The following DDX10 variants were observed in gnomAD, a reference collection of about 807,000 sequenced individuals.
DDX10 encodes the protein DEAD-box helicase 10, also known as probable ATP-dependent RNA helicase DDX10.
DDX10 carries 74 observed loss-of-function variants against 104.3 expected under a neutral mutation model. The observed-to-expected ratio is 0.71, with a 90% CI of 0.59 to 0.86. The LOEUF (loss-of-function observed/expected upper bound fraction) is 0.86, where lower values mean the gene tolerates loss of function less well. Among genes scored for constraint, DDX10 ranks in the 40% least tolerant of loss-of-function variants. DDX10 has a pLI of 0.00. For synonymous variants in DDX10, 351 were observed against 353.4 expected, an observed-to-expected ratio of 0.99 and a Z score of 0.08; for missense variants, 952 against 1,040.0, an observed-to-expected ratio of 0.92 and a Z score of 1.16.
intron 15 of DDX10, among the ~76,000 whole-genome samples, chr11:108,847,562 A>G (rs1026894719): frequency 1.6e-4 from 25 of 152,242 alleles, no homozygotes; most frequent in African/African-American, 5.8e-4. Flanking sequence ...CAGCATGAAC[A>G]TTAGAAAGTT....
intron 11 of DDX10, 61 bp downstream of exon 11, chr11:108,716,027 T>C: frequency 1.1e-6 from 1 of 908,434 alleles, no homozygotes; most frequent in South Asian, 1.4e-5. Flanking sequence ...TTTATCATTT[T>C]CTGCTACTTC....
chr11:108,819,475 TC>T (rs527281020), intron 13 of DDX10, among the ~76,000 whole-genome samples: 42 of 152,356 alleles, frequency 2.8e-4, no homozygotes, highest in African/African-American at 9.6e-4. Context: ...AAAACAGTTT[TC>T]CGTTGATATA....
At chr11:108,787,487 T>TA (rs1861811192) in intron 13 of DDX10, among the ~76,000 whole-genome samples, 1 of 152,232 alleles carries the variant, frequency 6.6e-6, no homozygotes. Context: ...CAATGAGCTG[T>TA]AAACATGGTC....
chr11:108,825,039 A>G (rs1217126918), intron 13 of DDX10, among the ~76,000 whole-genome samples: 1 of 152,236 alleles, frequency 6.6e-6, no homozygotes, highest in Non-Finnish European at 1.5e-5. Context: ...AGTAAGGAAA[A>G]TGGCATGAAA....
chr11:108,917,509 C>G (rs1863766662), intron 16 of DDX10, among the ~76,000 whole-genome samples: 1 of 152,042 alleles, frequency 6.6e-6, no homozygotes, highest in South Asian at 2.1e-4. Context: ...TCAAGCAATT[C>G]CCTTGCCTCA....
At chr11:108,852,002 G>C in intron 15 of DDX10, 151 bp from the exon 16 acceptor site, 1 of 615,756 alleles carries the variant, frequency 1.6e-6, no homozygotes, top group Non-Finnish European at 2.9e-6. Flanking sequence ...ATGAATACTT[G>C]TGCCAATCCC....
At chr11:108,724,004 A>G (rs1054961909) in intron 13 of DDX10, among the ~76,000 whole-genome samples, 1 of 152,156 alleles carries the variant, frequency 6.6e-6, no homozygotes, top group African/African-American at 2.4e-5. Context: ...GCCATCTTCT[A>G]GGAGGAACAA....
At chr11:108,766,783 G>A (rs1387976579) in intron 13 of DDX10, among the ~76,000 whole-genome samples, 1 of 152,066 alleles carries the variant, frequency 6.6e-6, no homozygotes, top group Non-Finnish European at 1.5e-5. Flanking sequence ...TAGTTAACAC[G>A]CCTTGAGTAT....
intron 8 of DDX10, 82 bp from the exon 9 acceptor site, chr11:108,693,434 G>A (rs979950326): frequency 1.0e-6 from 1 of 990,146 alleles, no homozygotes; most frequent in African/African-American, 1.6e-5. Flanking sequence ...AAAAGTCCTG[G>A]CAAGCAATAT....
intron 16 of DDX10, among the ~76,000 whole-genome samples, chr11:108,894,801 A>T (rs890531130): frequency 6.6e-6 from 1 of 152,018 alleles, no homozygotes; most frequent in African/African-American, 2.4e-5. Flanking sequence ...AGTTATTATG[A>T]AATTTTGAGG....
In DDX10 at chr11:108,917,907, G is replaced by GTGA. The variant is rs373041499; in HGVS notation, c.2363_2365dup (p.Asp788dup). 1.0e-3 allele frequency: 1,665 copies of GTGA among 1,610,692 alleles called. 1 individual carries two copies. Among genetic ancestry groups the GTGA allele is most frequent in the African/African-American group, 1.7e-3 (127 of 74,766 alleles). On this transcript the variant is annotated inframe_insertion, in exon 17 of 18. Transcript: ENST00000322536. ...GAAGAGGAAGCCTTTCTGGATTGGA[G>GTGA]TGATGATGATGATGATGATGATGAT...
intron 13 of DDX10, among the ~76,000 whole-genome samples, chr11:108,769,130 G>A (rs2094359821): frequency 6.6e-6 from 1 of 151,184 alleles, no homozygotes; most frequent in Non-Finnish European, 1.5e-5. Flanking sequence ...TCACTGATTG[G>A]GATTCATATT....
At chr11:108,667,104 T>C (rs2094211118) in intron 1 of DDX10, among the ~76,000 whole-genome samples, 2 of 152,228 alleles carry the variant, frequency 1.3e-5, no homozygotes, top group African/African-American at 4.8e-5. Context: ...ATAGTAAATA[T>C]TGCTTTCAAC....
intron 13 of DDX10, among the ~76,000 whole-genome samples, chr11:108,835,940 T>C (rs1360635170): frequency 6.6e-6 from 1 of 152,050 alleles, no homozygotes; most frequent in African/African-American, 2.4e-5. Flanking sequence ...TTCAGAAAGT[T>C]TGTGTTAATT....
At chr11:108,721,261 A>G (rs1591800882) in intron 12 of DDX10, among the ~76,000 whole-genome samples, 1 of 152,144 alleles carries the variant, frequency 6.6e-6, no homozygotes, top group East Asian at 1.9e-4. Context: ...ATAGCAGTGT[A>G]GGGCTGCTGA....
Position 108,915,949 on chromosome 11 carries a change from T to TAAA in DDX10, c.2305-1906_2305-1904dup, listed in dbSNP as rs34651677. Among the ~76,000 whole-genome samples, 11 of 127,700 alleles carry TAAA rather than the reference T, an allele frequency of 8.6e-5. No homozygotes were observed. The South Asian group carries it at 2.2e-3, about 26-fold the overall frequency. The allele number at this position is 127,700 out of a possible 152,430, so 83.8% of individuals were successfully genotyped here. ...GACATTAAAGAGACTTGCAAAAATG[T>TAAA]AAAAAAAAAAAAAAAAAAAAGTTCT... On this transcript the variant is annotated intron_variant, in intron 16 of 17. Coordinates refer to ENST00000322536, the MANE Select transcript of DDX10 (RefSeq NM_004398.4).
intron 17 of DDX10, chr11:108,921,339 A>G (rs1452404735): frequency 1.3e-5 from 2 of 152,216 alleles, no homozygotes; most frequent in African/African-American, 2.4e-5. Context: ...TAGCATTTGC[A>G]TAGTAGCGCC....
chr11:108,716,476 A>G (rs2094291632), intron 11 of DDX10, among the ~76,000 whole-genome samples: 1 of 152,208 alleles, frequency 6.6e-6, no homozygotes, highest in Non-Finnish European at 1.5e-5. Flanking sequence ...GTTTTTTCAA[A>G]GACATATGGA....
intron 16 of DDX10, among the ~76,000 whole-genome samples, chr11:108,915,034 A>G (rs562377758): frequency 1.3e-5 from 2 of 152,292 alleles, no homozygotes; most frequent in South Asian, 4.1e-4. Flanking sequence ...AGACCTGTGA[A>G]GTAGTCCAGT....
Sources: allele counts gnomAD v4.1 joint callset (sites outside exome capture counted in the v4.1 genomes callset), GRCh38; gene constraint gnomAD v4.1.1; transcripts MANE v1.5; gene names NCBI Gene and HGNC (gene_info 2026-07-23, HGNC 2026-07-21).